Variants in MICAL2 observed in about 807,000 individuals in gnomAD.
The protein encoded by MICAL2 is microtubule associated monooxygenase, calponin and LIM domain containing 2.
MICAL2 carries 77 observed loss-of-function variants against 127.3 expected under a neutral mutation model. The observed-to-expected ratio is 0.60, with a 90% CI of 0.50 to 0.73. MICAL2 has a LOEUF of 0.73. MICAL2 is among the 30% of genes least tolerant of loss of function. MICAL2 has a pLI of 0.00. For missense variants in MICAL2, 1,351 were observed against 1,434.4 expected (o/e 0.94, Z 0.94); for synonymous variants, 570 against 551.1 (o/e 1.03, Z -0.48).
chr11:12,324,206 A>T, intron 31 of MICAL2: 1 of 1,070,740 alleles, frequency 9.3e-7, no homozygotes, highest in East Asian at 2.9e-5. Context: ...TCTCTGAGGA[A>T]CCAGATTTGT....
At chr11:12,185,671 G>A (rs1858144019) in intron 3 of MICAL2, among the ~76,000 whole-genome samples, 1 of 152,136 alleles carries the variant, frequency 6.6e-6, no homozygotes, top group South Asian at 2.1e-4. Flanking sequence ...TTAGTTCTCT[G>A]TTCAGCCCTA....
chr11:12,220,330 C>G lies in MICAL2; in HGVS notation c.1078C>G (p.His360Asp), dbSNP rs773836621. Residue 360 changes from histidine (H) to aspartate (D), a missense_variant, in exon 9 of 28, where the codon CAC (histidine) becomes GAC (aspartate). By Grantham distance (81) the His-to-Asp change is moderately conservative. This residue lies in a region of MICAL2 where 599 missense variants were observed against 714.9 expected (regional missense o/e 0.84). Coordinates refer to ENST00000683283, the MANE Select transcript of MICAL2 (RefSeq NM_001282663.2). ...QLPSLDFAMN[H>D]YGQPDVAMFD... Reference sequence around the variant, plus strand: ...GCCATCCTTAGACTTTGCCATGAACCACTATGGGCAGCCTGATGTGGCCAT... The same window carrying G: ...GCCATCCTTAGACTTTGCCATGAACGACTATGGGCAGCCTGATGTGGCCAT... The G allele has an allele frequency of 3.7e-6, 6 of 1,614,242 alleles. No individual in the cohort carries two copies. Among genetic ancestry groups the G allele is most frequent in the Non-Finnish European group, 5.1e-6 (6 of 1,180,046 alleles).
At chr11:12,141,042 T>C (rs1359090520) in intron 2 of MICAL2, among the ~76,000 whole-genome samples, 1 of 152,192 alleles carries the variant, frequency 6.6e-6, no homozygotes, top group East Asian at 1.9e-4. Context: ...CATGTCAAGA[T>C]GGGAAAGAAT....
intron 32 of MICAL2, among the ~76,000 whole-genome samples, chr11:12,334,783 A>G (rs892552215): frequency 1.3e-5 from 2 of 151,394 alleles, no homozygotes; most frequent in South Asian, 2.1e-4. Flanking sequence ...AAGGACATGA[A>G]CTCATCATTT....
At chr11:12,321,515 A>G (rs923857444) in intron 30 of MICAL2, among the ~76,000 whole-genome samples, 1 of 152,192 alleles carries the variant, frequency 6.6e-6, no homozygotes, top group Non-Finnish European at 1.5e-5. Context: ...AGACTAAGGC[A>G]GGAAGAGACG....
At chr11:12,331,798 C>G (rs1938638765) in intron 32 of MICAL2, among the ~76,000 whole-genome samples, 1 of 152,084 alleles carries the variant, frequency 6.6e-6, no homozygotes, top group African/African-American at 2.4e-5. Context: ...AGTAAAGCAC[C>G]CACAAAAGGG....
At chr11:12,143,086 G>A (rs751244641) in intron 2 of MICAL2, among the ~76,000 whole-genome samples, 10 of 152,190 alleles carry the variant, frequency 6.6e-5, no homozygotes, top group Admixed American at 2.0e-4. Context: ...CTCCCTTATC[G>A]CTCTGGAAGC....
intron 2 of MICAL2, among the ~76,000 whole-genome samples, chr11:12,157,663 A>T (rs1854333650): frequency 6.6e-6 from 1 of 151,902 alleles, no homozygotes; most frequent in South Asian, 2.1e-4. Flanking sequence ...AACAAGGAAA[A>T]CTTTAATAAG....
intron 3 of MICAL2, among the ~76,000 whole-genome samples, chr11:12,191,490 T>C (rs1199199280): frequency 7.2e-6 from 1 of 138,682 alleles, no homozygotes; most frequent in Non-Finnish European, 1.6e-5. Context: ...AAAAAAAATG[T>C]AGGCCAGATG....
chr11:12,222,611 C>A lies in MICAL2; in HGVS notation c.1323-6C>A, dbSNP rs1404776967. On this transcript the variant is annotated splice_polypyrimidine_tract_variant and splice_region_variant and intron_variant, in intron 10 of 27. Coordinates refer to ENST00000683283, the MANE Select transcript of MICAL2 (RefSeq NM_001282663.2). ...TCCCTGACCTCCAGGCTCCGCCTCC[C>A]TCCAGGGAAAGTCTCTACCGGCTGT... 2.5e-6 allele frequency: 4 copies of A among 1,614,226 alleles called. No individual in the cohort carries two copies. The Admixed American group carries it at 6.7e-5, about 27-fold the overall frequency.
At chr11:12,306,673 G>A (rs1864113855) in intron 29 of MICAL2, among the ~76,000 whole-genome samples, 1 of 152,062 alleles carries the variant, frequency 6.6e-6, no homozygotes, top group African/African-American at 2.4e-5. Flanking sequence ...TCTCAATAGT[G>A]TCGCCTTTCC....
intron 32 of MICAL2, among the ~76,000 whole-genome samples, chr11:12,333,502 A>G (rs1485838320): frequency 1.3e-5 from 2 of 152,216 alleles, no homozygotes; most frequent in South Asian, 2.1e-4. Context: ...TAAGTCTTCT[A>G]TTTAACTTTG....
At chr11:12,248,803 C>T (rs1386041998) in intron 21 of MICAL2, among the ~76,000 whole-genome samples, 1 of 32,948 alleles carries the variant, frequency 3.0e-5, no homozygotes, top group Admixed American at 2.9e-4. Flanking sequence ...CCTCCAACCT[C>T]ACTGTTCCTC....
At chr11:12,358,502 TGGC>T (rs963913685), downstream of MICAL2, 3 of 1,608,922 alleles carry the variant, frequency 1.9e-6, no homozygotes, top group African/African-American at 4.0e-5. Context: ...TCCCTCTCCC[TGGC>T]TGCACGTTGG....
chr11:12,256,741 C>T (rs373755810), intron 23 of MICAL2, 44 bp from the exon 24 acceptor site: 74 of 1,517,628 alleles, frequency 4.9e-5, no homozygotes, highest in African/African-American at 2.8e-4. Context: ...TTTGAAGGCT[C>T]GGGATAAGCC....
chr11:12,293,928 A>AG, downstream of MICAL2: 1 of 1,612,782 alleles, frequency 6.2e-7, no homozygotes, highest in East Asian at 2.2e-5. Context: ...AAGGAAGAAG[A>AG]GGGAGGGCCA....
At chr11:12,212,395 G>T (rs1467599416) in intron 6 of MICAL2, among the ~76,000 whole-genome samples, 2 of 152,146 alleles carry the variant, frequency 1.3e-5, no homozygotes, top group African/African-American at 4.8e-5. Flanking sequence ...AGGATCGCTT[G>T]ACCCTGGGAG....
intron 32 of MICAL2, among the ~76,000 whole-genome samples, chr11:12,345,678 G>T (rs1938943083): frequency 6.6e-6 from 1 of 152,140 alleles, no homozygotes. Context: ...AAAGATGAAG[G>T]TATCAGACTT....
intron 3 of MICAL2, among the ~76,000 whole-genome samples, chr11:12,168,217 A>G (rs1311275976): frequency 1.3e-5 from 2 of 151,498 alleles, no homozygotes; most frequent in Admixed American, 1.3e-4. Flanking sequence ...TCACACATAT[A>G]CACACATACA....
Sources: gnomAD v4.1 joint callset for allele counts (sites outside exome capture counted in the v4.1 genomes callset) on GRCh38, gnomAD v4.1.1 for gene constraint, gnomAD v4.1.1 regional missense constraint, MANE v1.5 for transcripts, NCBI Gene and HGNC (gene_info 2026-07-23, HGNC 2026-07-21) for gene names.